Variants in MYOT observed in about 807,000 individuals in gnomAD.
The protein encoded by MYOT is 57 kDa cytoskeletal protein.
Under a neutral mutation model 58.0 loss-of-function variants are expected in MYOT, and 36 were observed. The observed-to-expected ratio is 0.62, with a 90% CI of 0.48 to 0.82. The LOEUF is 0.82. MYOT is among the 40% of genes least tolerant of loss of function. The pLI, the probability that MYOT is intolerant of heterozygous loss-of-function variation, is 0.00. For missense variants in MYOT, 505 were observed against 592.1 expected (o/e 0.85, Z 1.53); for synonymous variants, 218 against 204.6 (o/e 1.07, Z -0.56).
At chr5:137,868,675 G>C (rs750513498) in intron 1 of MYOT, among the ~76,000 whole-genome samples, 7 of 152,106 alleles carry the variant, frequency 4.6e-5, no homozygotes, top group Admixed American at 1.3e-4. Context: ...TTTCATAAGC[G>C]GTTTATTCCT....
intron 5 of MYOT, among the ~76,000 whole-genome samples, chr5:137,881,390 C>T (rs1269301717): frequency 3.3e-5 from 5 of 152,132 alleles, no homozygotes; most frequent in South Asian, 4.2e-4. Context: ...CTAGGCTGGA[C>T]GCAGTGGCTC....
At chr5:137,885,630 T>C (rs1431007478) in intron 7 of MYOT, among the ~76,000 whole-genome samples, 1 of 151,514 alleles carries the variant, frequency 6.6e-6, no homozygotes, top group African/African-American at 2.4e-5. Context: ...CAAAAATTAG[T>C]TGGGTGTGGT....
At chr5:137,884,160 G>C (rs996899878) in intron 7 of MYOT, among the ~76,000 whole-genome samples, 2 of 152,056 alleles carry the variant, frequency 1.3e-5, no homozygotes, top group Admixed American at 1.3e-4. Flanking sequence ...ACCAGCCAGG[G>C]TAACAAATAG....
rs1755591967 is a variant in MYOT, at chr5:137,886,072, T to C, written c.1049T>C (p.Met350Thr). ...GCAAAAGAACATAAAAGAGCACCAATGTTTATCTACAAACCACAGAGCAAA... is the reference window on the plus strand; with the variant it reads ...GCAAAAGAACATAAAAGAGCACCAACGTTTATCTACAAACCACAGAGCAAA... ...VLAKEHKRAP[M>T]FIYKPQSKKV... Residue 350 changes from methionine (M) to threonine (T), a missense_variant, in exon 8 of 10, where the codon ATG (methionine) becomes ACG (threonine). Coordinates refer to ENST00000239926, the MANE Select transcript of MYOT (RefSeq NM_006790.3). 1 of 1,602,488 alleles carries C rather than the reference T, an allele frequency of 6.2e-7. No individual in the cohort carries two copies. The highest frequency in any genetic ancestry group is 8.5e-7 in the Non-Finnish European group (1 of 1,170,210).
intron 4 of MYOT, chr5:137,880,549 A>C (rs528469199): frequency 2.6e-6 from 1 of 382,102 alleles, no homozygotes; most frequent in Non-Finnish European, 4.8e-6. Flanking sequence ...TAGTCATCTG[A>C]AAAATGAACC....
In MYOT at chr5:137,886,965, T is replaced by C. The variant is rs780384554; in HGVS notation, c.1292T>C (p.Val431Ala). ...GTGTCAGCAGTTAATGAAGCTGGAG[T>C]GACTACATGTAACACAAGATTAGAC... ...YTVSAVNEAG[V>A]TTCNTRLDVT... The change falls in exon 9 of 10, where the codon GTG becomes GCG. Residue 431 changes from valine to alanine, a missense_variant. Physicochemically the swap from Val to Ala is moderately conservative, Grantham distance 64. Transcript: ENST00000239926. 6.2e-7 allele frequency: 1 copy of C among 1,613,534 alleles called. No individual in the cohort carries two copies. Among genetic ancestry groups the C allele is most frequent in the South Asian group, 1.1e-5 (1 of 91,068 alleles).
chr5:137,870,912 C>T lies in MYOT; in HGVS notation c.261C>T (p.Thr87=). 2 of 1,614,196 alleles carry T rather than the reference C, an allele frequency of 1.2e-6. No homozygotes were observed. The highest frequency in any genetic ancestry group is 1.7e-6 in the Non-Finnish European group (2 of 1,180,012). ...AGSNPGQRVT[T]TYNQSPASFL... ...CCAACCCAGGCCAAAGGGTTACAACCACCTATAACCAGTCCCCAGCCAGCT... is the reference window on the plus strand; with the variant it reads ...CCAACCCAGGCCAAAGGGTTACAACTACCTATAACCAGTCCCCAGCCAGCT... The change falls in exon 2 of 10, where the codon ACC becomes ACT. Residue 87 remains threonine (T), a synonymous_variant. Transcript: ENST00000239926.
rs1755613623 is a variant in MYOT, at chr5:137,886,761, A to C, written c.1191-103A>C. On this transcript the variant is annotated intron_variant, in intron 8 of 9. Transcript: ENST00000239926. ...TGGCAATAAATAGATACAGCTTTGG[A>C]ATTTTCAAATGTTTTTTTCTTCCTA... The C allele has an allele frequency of 3.4e-6, 3 of 893,752 alleles. No homozygotes were observed. In the African/African-American group the frequency reaches 5.0e-5, roughly 15 times the overall value. The allele number at this position is 893,752 out of a possible 1,614,324, so 55.4% of individuals were successfully genotyped here. A position where few individuals can be genotyped will look rare whatever the true frequency, so the allele number is the denominator to read the frequency against.
In MYOT at chr5:137,870,994, G is replaced by C. The variant is rs114194130; in HGVS notation, c.343G>C (p.Ala115Pro). Residue 115 changes from alanine to proline, a missense_variant, in exon 2 of 10, where the codon GCT becomes CCT. Transcript: ENST00000239926. ...TTACAATAGCAGTAAAATCCCTTCC[G>C]CTATGGATTCCAAGTAAGTGAATTT... ...PDYNSSKIPSAMDSNYQQSSA... is the reference protein window; with the variant it reads ...PDYNSSKIPSPMDSNYQQSSA... The C allele has an allele frequency of 6.2e-7, 1 of 1,613,370 alleles. No homozygotes were observed. The highest frequency in any genetic ancestry group is 1.3e-5 in the African/African-American group (1 of 74,998).
intron 2 of MYOT, among the ~76,000 whole-genome samples, chr5:137,874,339 T>C (rs1189331981): frequency 6.6e-6 from 1 of 151,994 alleles, no homozygotes; most frequent in African/African-American, 2.4e-5. Flanking sequence ...TGGTGGCGGG[T>C]GCCTGTAATC....
At chr5:137,871,569 T>A (rs1755052843) in intron 2 of MYOT, among the ~76,000 whole-genome samples, 1 of 152,234 alleles carries the variant, frequency 6.6e-6, no homozygotes, top group Admixed American at 6.5e-5. Flanking sequence ...ATGTATACAT[T>A]TTCCTTACTG....
intron 6 of MYOT, chr5:137,882,705 T>G (rs968546950): frequency 2.5e-5 from 4 of 159,260 alleles, no homozygotes; most frequent in African/African-American, 9.6e-5. Context: ...AGCCTTAAAG[T>G]ATAATGTCTC....
intron 5 of MYOT, among the ~76,000 whole-genome samples, chr5:137,881,759 C>T (rs914421878): frequency 4.6e-5 from 7 of 152,050 alleles, no homozygotes; most frequent in African/African-American, 1.7e-4. Context: ...TGCAGCGACG[C>T]GATCTCGGCT....
rs763147610 is a variant in MYOT at position 137,870,842 on chromosome 5, T to A, written c.191T>A (p.Met64Lys). Residue 64 changes from methionine (M) to lysine (K), a missense_variant, in exon 2 of 10, where the codon ATG (methionine) becomes AAG (lysine). Physicochemically the swap from Met to Lys is moderately conservative, Grantham distance 95. Coordinates refer to ENST00000239926, the MANE Select transcript of MYOT (RefSeq NM_006790.3). Reference sequence around the variant, plus strand: ...TCAACACTGAGCTCTCACATCACCATGTCCTCCTCTGCTTTCCCTGCTTCT... The same window carrying A: ...TCAACACTGAGCTCTCACATCACCAAGTCCTCCTCTGCTTTCCCTGCTTCT... ...ASSTLSSHIT[M>K]SSSAFPASPQ... 41 of 1,614,042 alleles carry A rather than the reference T, an allele frequency of 2.5e-5. No homozygotes were observed. Among genetic ancestry groups the A allele is most frequent in the Non-Finnish European group, 3.2e-5 (38 of 1,180,028 alleles).
rs1037411139 is a variant in MYOT, at chr5:137,885,672, T to C, written c.1025-376T>C. On this transcript the variant is annotated intron_variant, in intron 7 of 9. Transcript: ENST00000239926. The stretch of plus-strand genomic sequence containing the variant: ...CTGTAATCCCAGCTACTCAGGAGGC[T>C]GTGGCAGGAGACTTCCTTGAACCTG... Among the ~76,000 whole-genome samples, 8 of 147,364 alleles carry C rather than the reference T, an allele frequency of 5.4e-5. No homozygotes were observed. The Admixed American group carries it at 5.6e-4, about 10-fold the overall frequency.
intron 9 of MYOT, 41 bp from the exon 10 acceptor site, chr5:137,887,172 G>T: frequency 6.2e-7 from 1 of 1,613,032 alleles, no homozygotes; most frequent in South Asian, 1.1e-5. Flanking sequence ...AATTTGGTTA[G>T]AACAGGTTTT....
At chr5:137,886,747 A>C (rs1378868947) in intron 8 of MYOT, 117 bp from the exon 9 acceptor site, 2 of 813,374 alleles carry the variant, frequency 2.5e-6, no homozygotes, top group Non-Finnish European at 4.1e-6. Flanking sequence ...GGCAATAAAT[A>C]GATACAGCTT....
chr5:137,869,970 G>A (rs1008499562), intron 1 of MYOT, among the ~76,000 whole-genome samples: 2 of 151,824 alleles, frequency 1.3e-5, no homozygotes, highest in African/African-American at 4.8e-5. Context: ...GAGAGAAAAA[G>A]AAGCAGTGAA....
chr5:137,887,563 C>A lies in MYOT; in HGVS notation c.*178C>A. 1 of 346,830 alleles carries A rather than the reference C, an allele frequency of 2.9e-6. No homozygotes were observed. The highest frequency in any genetic ancestry group is 4.7e-6 in the Non-Finnish European group (1 of 212,042). 21.5% of individuals were successfully genotyped at this position (346,830 alleles called of 1,614,324 possible). A position where few individuals can be genotyped will look rare whatever the true frequency, so the allele number is the denominator to read the frequency against. ...CTCTTGCACATTCTATGTACCCCTC[C>A]GATTTGTGAAGCCTACAGGAAATCT... On this transcript the variant is annotated 3_prime_UTR_variant, in exon 10 of 10. Coordinates refer to ENST00000239926, the MANE Select transcript of MYOT (RefSeq NM_006790.3).
Sources: gnomAD v4.1 joint callset for allele counts (sites outside exome capture counted in the v4.1 genomes callset) on GRCh38, gnomAD v4.1.1 for gene constraint, MANE v1.5 for transcripts, NCBI Gene and HGNC (gene_info 2026-07-23, HGNC 2026-07-21) for gene names.